ZMYND11: variants seen among roughly 807,000 people sequenced by gnomAD.
The protein encoded by ZMYND11 is zinc finger MYND-type containing 11.
In ZMYND11, 9 loss-of-function variants were observed where a neutral mutation model predicts 84.9. The observed-to-expected ratio is 0.11, with a 90% CI of 0.06 to 0.18. The LOEUF is 0.18. Among genes scored for constraint, ZMYND11 ranks in the 10% least tolerant of loss-of-function variants. ZMYND11 has a pLI of 1.00. For missense variants in ZMYND11, 409 were observed against 761.0 expected (o/e 0.54, Z 5.44); for synonymous variants, 250 against 244.1 (o/e 1.02, Z -0.23).
At chr10:230,360 C>T (rs892662572) in intron 4 of ZMYND11, among the ~76,000 whole-genome samples, 7 of 151,626 alleles carry the variant, frequency 4.6e-5, no homozygotes, top group African/African-American at 1.7e-4. Context: ...GTAGTCCCAG[C>T]TACTCAGGAG....
At position 239,440 on chromosome 10, in the gene ZMYND11, A is replaced by C; in HGVS notation, c.612A>C (p.Lys204Asn). Residue 204 changes from lysine to asparagine, a missense_variant and splice_region_variant, in exon 7 of 15, where the codon AAA (lysine) becomes AAC (asparagine). Around this residue, in one of 7 missense-constraint regions of ZMYND11, gnomAD observed 59 missense variants for 151.0 expected, o/e 0.39. Transcript: ENST00000381604. ...SAVDVPTIQE[K>N]VNEGKYRSYE... ...ATTCTGTTTTTTGCCCTCTGCAGAA[A>C]GTGAATGAAGGGAAATACCGAAGTT... 1 of 1,613,172 alleles carries C rather than the reference A, an allele frequency of 6.2e-7. No individual in the cohort carries two copies. Among genetic ancestry groups the C allele is most frequent in the East Asian group, 2.2e-5 (1 of 44,872 alleles).
chr10:251,571 T>G (rs1397600199), intron 14 of ZMYND11, among the ~76,000 whole-genome samples: 1 of 152,210 alleles, frequency 6.6e-6, no homozygotes, highest in Non-Finnish European at 1.5e-5. Context: ...AAGTGTTTGT[T>G]TACATCCAGA....
chr10:158,984 G>GTTTTTTTT (rs376931420), intron 1 of ZMYND11, among the ~76,000 whole-genome samples: 598 of 39,658 alleles, frequency 0.015, 53 homozygotes, highest in Middle Eastern at 0.08. Flanking sequence ...AGGGTTTTTT[G>GTTTTTTTT]TTTTTTGTTT....
intron 1 of ZMYND11, among the ~76,000 whole-genome samples, chr10:147,092 A>G (rs782042259): frequency 6.6e-5 from 10 of 152,242 alleles, no homozygotes; most frequent in African/African-American, 1.7e-4. Context: ...ATTTGTGTAC[A>G]TTGATTCTGT....
At chr10:178,477 G>A (rs1847145799) in intron 1 of ZMYND11, among the ~76,000 whole-genome samples, 1 of 152,094 alleles carries the variant, frequency 6.6e-6, no homozygotes, top group Non-Finnish European at 1.5e-5. Context: ...TTCCATTAAG[G>A]CATATTGGAT....
Position 173,046 on chromosome 10 carries a change from A to G in ZMYND11, c.-19-6948A>G, listed in dbSNP as rs367635558. 7.9e-5 allele frequency among the ~76,000 whole-genome samples: 12 copies of G among 152,248 alleles called. No individual in the cohort carries two copies. In the East Asian group the frequency reaches 1.2e-3, roughly 15 times the overall value. ...GACATCCACTTTCAGAAAAAAAAAA[A>G]AAGAAGAATCATCTAGGCAAAGACC... is the stretch of plus-strand genomic sequence containing the variant. On this transcript the variant is annotated intron_variant, in intron 1 of 14. Transcript: ENST00000381604.
intron 1 of ZMYND11, among the ~76,000 whole-genome samples, chr10:157,738 A>G (rs1372744818): frequency 2.0e-5 from 3 of 152,220 alleles, no homozygotes; most frequent in Admixed American, 6.5e-5. Flanking sequence ...AATTTGCTGC[A>G]GTGACTTTTA....
intron 1 of ZMYND11, among the ~76,000 whole-genome samples, chr10:161,439 T>G (rs145639742): frequency 1.2e-4 from 18 of 152,328 alleles, no homozygotes; most frequent in Admixed American, 5.9e-4. Flanking sequence ...TAAATGAGCA[T>G]TGGCTTCAAA....
chr10:142,301 C>T (rs112532225), intron 1 of ZMYND11, among the ~76,000 whole-genome samples: 2 of 152,146 alleles, frequency 1.3e-5, no homozygotes, highest in Non-Finnish European at 2.9e-5. Flanking sequence ...CCATGTTACC[C>T]ACGCTGGTCC....
upstream of ZMYND11, among the ~76,000 whole-genome samples, chr10:133,537 G>A (rs1835382073): frequency 6.6e-6 from 1 of 152,156 alleles, no homozygotes; most frequent in African/African-American, 2.4e-5. Flanking sequence ...AAAAAAATGT[G>A]GAGTTATGCT....
At chr10:145,188 A>G (rs1053825876) in intron 1 of ZMYND11, among the ~76,000 whole-genome samples, 1 of 150,508 alleles carries the variant, frequency 6.6e-6, no homozygotes, top group African/African-American at 2.4e-5. Context: ...ATATATGTGT[A>G]TATACATATG....
At chr10:248,217 C>T (rs1564464582) in intron 12 of ZMYND11, 119 bp from the exon 13 acceptor site, 13 of 1,302,372 alleles carry the variant, frequency 1.0e-5, no homozygotes, top group Non-Finnish European at 1.4e-5. Flanking sequence ...CATTTTTCAA[C>T]AGCAGTTTAT....
intron 3 of ZMYND11, among the ~76,000 whole-genome samples, chr10:214,817 G>A (rs1945874355): frequency 6.6e-6 from 1 of 152,180 alleles, no homozygotes. Context: ...TTCTTAAAAT[G>A]TGAGAAGTGT....
At position 152,098 on chromosome 10, in the gene ZMYND11, T is replaced by C. The variant is rs1332915079; in HGVS notation, c.-20+16539T>C. On this transcript the variant is annotated intron_variant, in intron 1 of 14. Transcript: ENST00000381604. The stretch of plus-strand genomic sequence containing the variant: ...CATGGAAAGGAACAACTGGTACCAG[T>C]CACTGCAAAAACATGCCAAATTGTA... Among the ~76,000 whole-genome samples, 3 of 152,222 alleles carry C rather than the reference T, an allele frequency of 2.0e-5. No individual in the cohort carries two copies. The East Asian group carries it at 5.8e-4, about 29-fold the overall frequency.
chr10:236,503 A>G (rs2131671742), intron 4 of ZMYND11, among the ~76,000 whole-genome samples: 1 of 152,358 alleles, frequency 6.6e-6, no homozygotes, highest in East Asian at 1.9e-4. Flanking sequence ...GACTTAGGCC[A>G]TTGATATTGT....
At chr10:148,283 GCTCTGGGAAGAAGTCC>G in intron 1 of ZMYND11, 5 of 146,682 alleles carry the variant, frequency 3.4e-5, no homozygotes, top group Non-Finnish European at 4.5e-5. Context: ...AACTTCCTTT[GCTCTGGGAAGAAGTCC>G]TAACTTCCTT....
chr10:224,141 C>A (rs545908049), intron 4 of ZMYND11, among the ~76,000 whole-genome samples: 2 of 152,178 alleles, frequency 1.3e-5, no homozygotes, highest in African/African-American at 4.8e-5. Flanking sequence ...TTCACTCTTA[C>A]ATTCCTTTCT....
In ZMYND11 at chr10:216,098, A is replaced by G. The variant is rs143819063; in HGVS notation, c.277-5097A>G. 1.7e-3 allele frequency among the ~76,000 whole-genome samples: 257 copies of G among 152,288 alleles called. 3 individuals carry two copies. Among genetic ancestry groups the G allele is most frequent in the African/African-American group, 5.8e-3 (241 of 41,562 alleles). ...CCCAGTCTAAAAAAAGTTTTGGGTTATATTTCTCTTGAAATTTAGCTTAGC... is the reference window on the plus strand; with the variant it reads ...CCCAGTCTAAAAAAAGTTTTGGGTTGTATTTCTCTTGAAATTTAGCTTAGC... On this transcript the variant is annotated intron_variant, in intron 3 of 14. Transcript: ENST00000381604.
chr10:245,979 T>C (rs1023365447), intron 10 of ZMYND11, among the ~76,000 whole-genome samples: 1 of 152,186 alleles, frequency 6.6e-6, no homozygotes, highest in African/African-American at 2.4e-5. Flanking sequence ...CCCATTCACT[T>C]TTCCATTCTT....
Sources: gnomAD v4.1 joint callset for allele counts (sites outside exome capture counted in the v4.1 genomes callset) on GRCh38, gnomAD v4.1.1 for gene constraint, gnomAD v4.1.1 regional missense constraint, MANE v1.5 for transcripts, NCBI Gene and HGNC (gene_info 2026-07-23, HGNC 2026-07-21) for gene names.